The following WASL variants were observed in gnomAD, a reference collection of about 807,000 sequenced individuals.
The protein encoded by WASL is WASP like actin nucleation promoting factor, also known as actin nucleation-promoting factor WASL.
In WASL, 20 loss-of-function variants were observed where a neutral mutation model predicts 55.5. The ratio of observed to expected loss-of-function variants is 0.36; its 90% confidence interval spans 0.25 to 0.52. The LOEUF (loss-of-function observed/expected upper bound fraction) is 0.52, where lower values mean the gene tolerates loss of function less well. WASL is among the 20% of genes least tolerant of loss of function. The pLI is 0.92. For missense variants in WASL, 504 were observed against 622.5 expected (o/e 0.81, Z 2.03); for synonymous variants, 249 against 217.6 (o/e 1.14, Z -1.27).
At position 123,692,544 on chromosome 7, in the gene WASL, CAGG is replaced by C; in HGVS notation, c.1147_1149del (p.Pro383del). The C allele has an allele frequency of 6.2e-7, 1 of 1,613,916 alleles. No individual in the cohort carries two copies. Among genetic ancestry groups the C allele is most frequent in the Non-Finnish European group, 8.5e-7 (1 of 1,179,966 alleles). On this transcript the variant is annotated inframe_deletion, in exon 9 of 11. Coordinates refer to ENST00000223023, the MANE Select transcript of WASL (RefSeq NM_003941.4). ...GGCAGGCCAGGCGGGGGCGGTGGCC[CAGG>C]AGGAGGTGGAGGTGGAGGCGGTGGG...
intron 1 of WASL, among the ~76,000 whole-genome samples, chr7:123,728,953 A>G (rs1804098098): frequency 6.6e-6 from 1 of 152,170 alleles, no homozygotes; most frequent in Admixed American, 6.5e-5. Context: ...AAGTACATAC[A>G]TGTGTACTTC....
rs553659399 is a variant in WASL, at chr7:123,704,594, T to C, written c.460+40A>G. On this transcript the variant is annotated intron_variant, in intron 5 of 10. Transcript: ENST00000223023. ...TGTTTCCACAAGGATTAAACTGTCA[T>C]CTAAAATCTTAAAAGATTAATAATT... 4.7e-6 allele frequency: 7 copies of C among 1,474,434 alleles called. No homozygotes were observed. The African/African-American group carries it at 9.9e-5, about 21-fold the overall frequency. The allele number at this position is 1,474,434 out of a possible 1,614,324, so 91.3% of individuals were successfully genotyped here.
chr7:123,745,417 AGTT>A (rs1345200842), intron 1 of WASL, among the ~76,000 whole-genome samples: 2 of 152,140 alleles, frequency 1.3e-5, no homozygotes, highest in Non-Finnish European at 1.5e-5. Context: ...TCTCCTTCTT[AGTT>A]GTGAAATGTA....
At chr7:123,686,555 T>C (rs1173780826) in intron 10 of WASL, among the ~76,000 whole-genome samples, 1 of 152,138 alleles carries the variant, frequency 6.6e-6, no homozygotes, top group Non-Finnish European at 1.5e-5. Flanking sequence ...TTTCATTATA[T>C]TAGCGTGACT....
intron 1 of WASL, among the ~76,000 whole-genome samples, chr7:123,740,454 GATTT>G (rs141969432): frequency 0.13 from 20,201 of 151,998 alleles, 1,474 homozygotes; most frequent in East Asian, 0.2. Flanking sequence ...CAATAAATAA[GATTT>G]ATTTTGTATT....
chr7:123,709,209 T>C lies in WASL; in HGVS notation c.132A>G (p.Ala44=), dbSNP rs776072647. The C allele has an allele frequency of 6.2e-7, 1 of 1,606,354 alleles. No homozygotes were observed. The highest frequency in any genetic ancestry group is 2.2e-5 in the East Asian group (1 of 44,654). Residue 44 remains alanine (A), a synonymous_variant, in exon 2 of 11, where the codon GCA becomes GCG. Coordinates refer to ENST00000223023, the MANE Select transcript of WASL (RefSeq NM_003941.4). ...GATCTGCTGCATATAACTGCACCAC[T>C]GCTGAAGACATAGTCTGCAAAATAT... is the stretch of plus-strand genomic sequence containing the variant. ...LGKKCVTMSS[A]VVQLYAADRN...
intron 1 of WASL, among the ~76,000 whole-genome samples, chr7:123,716,078 C>G (rs1803835582): frequency 6.6e-6 from 1 of 152,148 alleles, no homozygotes. Context: ...CCTCTCTCTT[C>G]TGTCTCCTTT....
chr7:123,722,708 G>T (rs1388176454), intron 1 of WASL, among the ~76,000 whole-genome samples: 1 of 152,018 alleles, frequency 6.6e-6, no homozygotes, highest in African/African-American at 2.4e-5. Context: ...CAATCCCAGA[G>T]GTATGAGAAT....
chr7:123,748,731 T>C lies in WASL; in HGVS notation c.4A>G (p.Ser2Gly). The change falls in exon 1 of 11, where the codon AGC becomes GGC. Residue 2 changes from serine (S) to glycine (G), a missense_variant. This residue lies in a region of WASL where 230 missense variants were observed against 271.9 expected (regional missense o/e 0.85). Coordinates refer to ENST00000223023, the MANE Select transcript of WASL (RefSeq NM_003941.4). Reference protein sequence around the residue: MSSVQQQPPPPR... With the variant: MGSVQQQPPPPR... ...GGCGGCGGCTGCTGCTGGACGGAGC[T>C]CATGGTTTCGCCGGCGGGGTTGGGA... is the stretch of plus-strand genomic sequence containing the variant. The C allele has an allele frequency of 6.3e-7, 1 of 1,582,124 alleles. No individual in the cohort carries two copies. The highest frequency in any genetic ancestry group is 8.6e-7 in the Non-Finnish European group (1 of 1,166,528).
chr7:123,701,109 C>T (rs1803582527), intron 5 of WASL, among the ~76,000 whole-genome samples: 1 of 152,102 alleles, frequency 6.6e-6, no homozygotes, highest in African/African-American at 2.4e-5. Context: ...TTTTAAACAA[C>T]ATAAAGTATA....
rs1180849454 is a variant in WASL at position 123,727,927 on chromosome 7, CTAGA to C, written c.118-18708_118-18705del. On this transcript the variant is annotated intron_variant, in intron 1 of 10. Transcript: ENST00000223023. ...TTTGACGCACTTCATTTCATGGTAG[CTAGA>C]TAAATTGGAAAGAAAGCTCTTATAA... is the stretch of plus-strand genomic sequence containing the variant. Among the ~76,000 whole-genome samples the C allele has an allele frequency of 7.9e-5, 12 of 152,216 alleles. No individual in the cohort carries two copies. The East Asian group carries it at 1.7e-3, about 22-fold the overall frequency.
intron 1 of WASL, among the ~76,000 whole-genome samples, chr7:123,728,715 A>G (rs1804092272): frequency 6.6e-6 from 1 of 152,128 alleles, no homozygotes. Flanking sequence ...GAGCACCTGT[A>G]ATCCCAGCTA....
chr7:123,708,744 G>A (rs770741335), intron 2 of WASL, among the ~76,000 whole-genome samples: 1 of 150,954 alleles, frequency 6.6e-6, no homozygotes, highest in Admixed American at 6.6e-5. Flanking sequence ...GACTATCTAC[G>A]CTATTCTATA....
chr7:123,737,596 C>CAAAAAAAAAA (rs34669724), intron 1 of WASL, among the ~76,000 whole-genome samples: 3 of 72,816 alleles, frequency 4.1e-5, no homozygotes, highest in South Asian at 6.3e-4. Context: ...CTCCGTCTCC[C>CAAAAAAAAAA]AAAAAAAAAA....
rs1804496719 is a variant in WASL at position 123,748,926 on chromosome 7, C to G, written c.-192G>C. Reference sequence around the variant, plus strand: ...GACGGCGAGCCACCTTCGCGCCGCGCTGAGAAAGGGAAGCTCCCGGCACCC... The same window carrying G: ...GACGGCGAGCCACCTTCGCGCCGCGGTGAGAAAGGGAAGCTCCCGGCACCC... On this transcript the variant is annotated 5_prime_UTR_variant, in exon 1 of 11. Transcript: ENST00000223023. 1 of 574,142 alleles carries G rather than the reference C, an allele frequency of 1.7e-6. No individual in the cohort carries two copies. The highest frequency in any genetic ancestry group is 3.0e-6 in the Non-Finnish European group (1 of 328,784). 35.6% of individuals were successfully genotyped at this position (574,142 alleles called of 1,614,324 possible). A position where few individuals can be genotyped will look rare whatever the true frequency, so the allele number is the denominator to read the frequency against.
chr7:123,721,406 A>G (rs1449708622), intron 1 of WASL, among the ~76,000 whole-genome samples: 1 of 152,202 alleles, frequency 6.6e-6, no homozygotes, highest in East Asian at 1.9e-4. Context: ...TTTTGAAGGC[A>G]TAAGGTAAAG....
intron 9 of WASL, among the ~76,000 whole-genome samples, chr7:123,690,466 T>C (rs1242854494): frequency 1.4e-5 from 2 of 143,910 alleles, no homozygotes; most frequent in Non-Finnish European, 3.1e-5. Context: ...TTTCAAAAAA[T>C]AACGAACTCG....
intron 1 of WASL, among the ~76,000 whole-genome samples, chr7:123,727,353 T>TCGCTCACACACACACACACA (rs1554406247): frequency 2.7e-5 from 4 of 147,818 alleles, no homozygotes; most frequent in African/African-American, 1.0e-4. Flanking sequence ...AAAATATGTG[T>TCGCTCACACACACACACACA]CACACACACA....
chr7:123,726,587 G>A (rs1174809782), intron 1 of WASL, among the ~76,000 whole-genome samples: 1 of 152,160 alleles, frequency 6.6e-6, no homozygotes, highest in Non-Finnish European at 1.5e-5. Flanking sequence ...ATTAATTAGG[G>A]CCAGGTGTGG....
Sources: allele counts gnomAD v4.1 joint callset (sites outside exome capture counted in the v4.1 genomes callset), GRCh38; gene constraint gnomAD v4.1.1; regional missense constraint gnomAD v4.1.1; transcripts MANE v1.5; gene names NCBI Gene and HGNC (gene_info 2026-07-23, HGNC 2026-07-21).